Variants in NFS1 observed in about 807,000 individuals in gnomAD.
The protein encoded by NFS1 is NFS1 cysteine desulfurase, also known as cysteine desulfurase.
NFS1 carries 26 observed loss-of-function variants against 57.3 expected under a neutral mutation model. The ratio of observed to expected loss-of-function variants is 0.45; its 90% CI spans 0.33 to 0.63. The LOEUF (loss-of-function observed/expected upper bound fraction) is 0.63. Ranked by LOEUF, NFS1 falls within the 20% of genes least tolerant of loss-of-function variation. The pLI is 0.02. For missense variants in NFS1, 505 were observed against 605.8 expected, an observed-to-expected ratio of 0.83 and a Z score of 1.75; for synonymous variants, 209 against 216.3, an observed-to-expected ratio of 0.97 and a Z score of 0.30.
chr20:35,691,603 C>T (rs1307736689), intron 4 of NFS1, among the ~76,000 whole-genome samples: 1 of 150,428 alleles, frequency 6.6e-6, no homozygotes, highest in Admixed American at 6.6e-5. Flanking sequence ...AAGCCAGGCC[C>T]GGTGGCACGC....
chr20:35,679,645 A>G (rs578175720), intron 7 of NFS1, among the ~76,000 whole-genome samples: 2 of 152,282 alleles, frequency 1.3e-5, no homozygotes, highest in African/African-American at 4.8e-5. Context: ...GGCTTTTTGA[A>G]ATAATAACTC....
chr20:35,693,648 T>C (rs1005010824), intron 4 of NFS1, among the ~76,000 whole-genome samples: 3 of 151,892 alleles, frequency 2.0e-5, no homozygotes, highest in Non-Finnish European at 2.9e-5. Flanking sequence ...GGCAACATAA[T>C]GAGAGCCGCA....
intron 12 of NFS1, among the ~76,000 whole-genome samples, chr20:35,670,260 A>C (rs1312693525): frequency 1.3e-5 from 2 of 152,156 alleles, no homozygotes; most frequent in Non-Finnish European, 2.9e-5. Flanking sequence ...CTGTGCTTCC[A>C]ATATCCCTGG....
chr20:35,691,710 G>C (rs1383708634), intron 4 of NFS1, among the ~76,000 whole-genome samples: 1 of 120,826 alleles, frequency 8.3e-6, no homozygotes, highest in Non-Finnish European at 1.6e-5. Context: ...TTGCACTCCA[G>C]CCTGGGCAAC....
chr20:35,676,758 G>GAAAAA lies in NFS1; in HGVS notation c.791-1561_791-1557dup, dbSNP rs746820595. ...GCCTCCCAATAACCAGAGAAAATCA[G>GAAAAA]AAAAAAAAAAAAAAAAAAAAAAAAA... On this transcript the variant is annotated intron_variant, in intron 7 of 12. Coordinates refer to ENST00000374092, the MANE Select transcript of NFS1 (RefSeq NM_021100.5). Among the ~76,000 whole-genome samples the GAAAAA allele has an allele frequency of 1.5e-3, 28 of 18,102 alleles. 1 individual carries two copies. The highest frequency in any genetic ancestry group is 5.9e-3 in the African/African-American group (23 of 3,912). 11.9% of individuals were successfully genotyped at this position (18,102 alleles called of 152,430 possible). A position where few individuals can be genotyped will look rare whatever the true frequency, so the allele number is the denominator to read the frequency against.
At chr20:35,674,455 A>G (rs1187030703) in intron 9 of NFS1, 24 bp from the exon 10 acceptor site, 2 of 1,612,356 alleles carry the variant, frequency 1.2e-6, no homozygotes. Flanking sequence ...ATACTGTGAG[A>G]GAGGTCTCAG....
At chr20:35,673,848 C>T (rs192867067) in intron 10 of NFS1, 164 bp from the exon 11 acceptor site, 20 of 570,772 alleles carry the variant, frequency 3.5e-5, no homozygotes, top group African/African-American at 9.4e-5. Flanking sequence ...CTCCCCTGCA[C>T]ATCCTAGGAT....
At chr20:35,686,096 A>G (rs1723307608) in intron 5 of NFS1, among the ~76,000 whole-genome samples, 1 of 151,198 alleles carries the variant, frequency 6.6e-6, no homozygotes. Context: ...CACCCGGCTA[A>G]TTTTTGTATT....
chr20:35,684,276 C>T (rs997978977), intron 5 of NFS1, among the ~76,000 whole-genome samples: 1 of 151,608 alleles, frequency 6.6e-6, no homozygotes, highest in African/African-American at 2.4e-5. Context: ...TGGTGGCGGG[C>T]GCCTATAGTT....
At chr20:35,674,717 A>T in intron 8 of NFS1, 100 bp from the exon 9 acceptor site, 1 of 902,164 alleles carries the variant, frequency 1.1e-6, no homozygotes, top group East Asian at 2.5e-5. Context: ...ACTATGTATC[A>T]GCCCCACCTA....
At position 35,673,720 on chromosome 20, in the gene NFS1, A is replaced by G. The variant is rs560860838; in HGVS notation, c.1137-36T>C. The G allele has an allele frequency of 5.2e-5, 80 of 1,529,830 alleles. No homozygotes were observed. In the South Asian group the frequency reaches 8.7e-4, roughly 17 times the overall value. The allele number at this position is 1,529,830 out of a possible 1,614,324, so 94.8% of individuals were successfully genotyped here. ...AGACACGAACCTTGTTCAGTTCATC[A>G]TCAACGTCTACTTTTAGTCACAAAC... is the stretch of plus-strand genomic sequence containing the variant. On this transcript the variant is annotated intron_variant, in intron 10 of 12. Coordinates refer to ENST00000374092, the MANE Select transcript of NFS1 (RefSeq NM_021100.5).
At position 35,675,109 on chromosome 20, in the gene NFS1, G is replaced by A; in HGVS notation, c.884C>T (p.Thr295Ile). 6.2e-7 allele frequency: 1 copy of A among 1,614,034 alleles called. No individual in the cohort carries two copies. Among genetic ancestry groups the A allele is most frequent in the Non-Finnish European group, 8.5e-7 (1 of 1,180,012 alleles). ...CCCCACCACTAAGGGTGTGGGCACT[G>A]TCCCAGACCGCATACCCCGCTCCTG... is the stretch of plus-strand genomic sequence containing the variant. ...GGQERGMRSGTVPTPLVVGLG... is the reference protein window; with the variant it reads ...GGQERGMRSGIVPTPLVVGLG... The change falls in exon 8 of 13, where the codon ACA becomes ATA. Residue 295 changes from threonine (T) to isoleucine (I), a missense_variant. Transcript: ENST00000374092.
At chr20:35,685,790 G>A (rs1368320504) in intron 5 of NFS1, among the ~76,000 whole-genome samples, 2 of 145,194 alleles carry the variant, frequency 1.4e-5, no homozygotes, top group South Asian at 2.2e-4. Flanking sequence ...CCCGGGAGGC[G>A]GAGGTTGCGA....
chr20:35,669,472 T>C lies in NFS1; in HGVS notation c.*150A>G. 3 of 681,430 alleles carry C rather than the reference T, an allele frequency of 4.4e-6. No individual in the cohort carries two copies. In the South Asian group the frequency reaches 5.6e-5, roughly 13 times the overall value. The allele number at this position is 681,430 out of a possible 1,614,324, so 42.2% of individuals were successfully genotyped here. A position where few individuals can be genotyped will look rare whatever the true frequency, so the allele number is the denominator to read the frequency against. Reference sequence around the variant, plus strand: ...CTGAAGCTAGGGAAAGACAGTTTTCTTGTGTTTCTGTCATAGAGGTGGACT... The same window carrying C: ...CTGAAGCTAGGGAAAGACAGTTTTCCTGTGTTTCTGTCATAGAGGTGGACT... On this transcript the variant is annotated 3_prime_UTR_variant, in exon 13 of 13. Transcript: ENST00000374092.
intron 12 of NFS1, among the ~76,000 whole-genome samples, 166 bp from the exon 13 acceptor site, chr20:35,669,851 A>T (rs1226033472): frequency 6.6e-6 from 1 of 152,150 alleles, no homozygotes; most frequent in East Asian, 1.9e-4. Flanking sequence ...TGAGCTCTCC[A>T]GCTCCCTGTA....
intron 5 of NFS1, among the ~76,000 whole-genome samples, chr20:35,683,790 C>CA (rs151037025): frequency 0.019 from 1,025 of 53,106 alleles, 15 homozygotes; most frequent in African/African-American, 0.045. Flanking sequence ...GACTCCATCT[C>CA]AAAAAAAAAA....
chr20:35,672,114 C>A lies in NFS1; in HGVS notation c.1310+641G>T, dbSNP rs577641806. Among the ~76,000 whole-genome samples the A allele has an allele frequency of 9.5e-4, 144 of 152,106 alleles. 2 individuals carry two copies. The South Asian group carries it at 0.02, about 21-fold the overall frequency. ...CTGGGACTACAGGTGCCCGCCACCACGCCCAGCTAATTTTTTTGTATTTTT... is the reference window on the plus strand; with the variant it reads ...CTGGGACTACAGGTGCCCGCCACCAAGCCCAGCTAATTTTTTTGTATTTTT... On this transcript the variant is annotated intron_variant, in intron 12 of 12. Coordinates refer to ENST00000374092, the MANE Select transcript of NFS1 (RefSeq NM_021100.5).
intron 5 of NFS1, among the ~76,000 whole-genome samples, chr20:35,687,142 C>T (rs2034958786): frequency 6.6e-6 from 1 of 152,140 alleles, no homozygotes; most frequent in South Asian, 2.1e-4. Flanking sequence ...CTTAGCAGAC[C>T]AGGAAAGGGA....
At chr20:35,682,002 G>A in intron 5 of NFS1, 21 bp from the exon 6 acceptor site, 2 of 1,447,456 alleles carry the variant, frequency 1.4e-6, no homozygotes, top group African/African-American at 1.4e-5. Flanking sequence ...GCAGGAGTAA[G>A]GTGACTAGAT....
Sources: allele counts gnomAD v4.1 joint callset (sites outside exome capture counted in the v4.1 genomes callset), GRCh38; gene constraint gnomAD v4.1.1; transcripts MANE v1.5; gene names NCBI Gene and HGNC (gene_info 2026-07-23, HGNC 2026-07-21).